NFATC3: variants seen among roughly 807,000 people sequenced by gnomAD.
NFATC3 encodes nuclear factor of activated T-cells, cytoplasmic 3.
Under a neutral mutation model 98.6 loss-of-function variants are expected in NFATC3, and 46 were observed. That is an observed-to-expected ratio of 0.47 (90% confidence interval 0.37 to 0.60). NFATC3 has a LOEUF of 0.60. Ranked by LOEUF, NFATC3 falls within the 20% of genes least tolerant of loss-of-function variation. The pLI, the probability that NFATC3 is intolerant of heterozygous loss-of-function variation, is 0.00. For synonymous variants in NFATC3, 512 were observed against 472.2 expected, an observed-to-expected ratio of 1.08 and a Z score of -1.09; for missense variants, 1,256 against 1,295.5, an observed-to-expected ratio of 0.97 and a Z score of 0.47.
intron 3 of NFATC3, among the ~76,000 whole-genome samples, chr16:68,145,217 C>T (rs1158738099): frequency 6.6e-6 from 1 of 151,388 alleles, no homozygotes; most frequent in Non-Finnish European, 1.5e-5. Context: ...GATCTCAGCT[C>T]ACTGCAACCT....
intron 3 of NFATC3, among the ~76,000 whole-genome samples, chr16:68,127,670 A>G (rs1235864138): frequency 6.6e-6 from 1 of 151,238 alleles, no homozygotes; most frequent in Non-Finnish European, 1.5e-5. Flanking sequence ...CCTGGGGAAC[A>G]GAATGAGACC....
chr16:68,132,437 C>G (rs2037162649), intron 3 of NFATC3, among the ~76,000 whole-genome samples: 1 of 152,176 alleles, frequency 6.6e-6, no homozygotes, highest in Non-Finnish European at 1.5e-5. Context: ...AGATCCTTTA[C>G]ACTGCTAGTG....
At chr16:68,140,541 A>G (rs139962281) in intron 3 of NFATC3, among the ~76,000 whole-genome samples, 86 of 152,280 alleles carry the variant, frequency 5.6e-4, no homozygotes, top group African/African-American at 1.9e-3. Flanking sequence ...TACTGACTAT[A>G]TTTTCTTTTC....
chr16:68,101,305 C>G (rs985943114), intron 1 of NFATC3, among the ~76,000 whole-genome samples: 2 of 151,820 alleles, frequency 1.3e-5, no homozygotes, highest in South Asian at 4.2e-4. Flanking sequence ...CACCATGCCC[C>G]GCCAATTTTT....
At chr16:68,139,109 A>T (rs543336710) in intron 3 of NFATC3, among the ~76,000 whole-genome samples, 53 of 152,328 alleles carry the variant, frequency 3.5e-4, no homozygotes, top group African/African-American at 1.3e-3. Context: ...CTCACTTTAT[A>T]CTGAGAGAGA....
At chr16:68,178,175 C>T (rs867401232) in intron 6 of NFATC3, among the ~76,000 whole-genome samples, 1 of 152,098 alleles carries the variant, frequency 6.6e-6, no homozygotes, top group Non-Finnish European at 1.5e-5. Flanking sequence ...TAAACTTTAA[C>T]CTGAAATTTA....
At chr16:68,194,081 C>T (rs1178796687) in intron 9 of NFATC3, among the ~76,000 whole-genome samples, 3 of 152,154 alleles carry the variant, frequency 2.0e-5, no homozygotes, top group African/African-American at 2.4e-5. Context: ...CTAATCTAAT[C>T]GTTACCATTC....
chr16:68,115,724 C>T (rs989297533), intron 1 of NFATC3, among the ~76,000 whole-genome samples: 2 of 151,700 alleles, frequency 1.3e-5, no homozygotes, highest in Admixed American at 6.6e-5. Flanking sequence ...CATACCTGGC[C>T]GATTGTTTTT....
At chr16:68,199,344 C>A (rs566551812) in intron 9 of NFATC3, among the ~76,000 whole-genome samples, 1 of 149,456 alleles carries the variant, frequency 6.7e-6, no homozygotes, top group Non-Finnish European at 1.5e-5. Flanking sequence ...CTGCCTCAGC[C>A]TCCTGAGTAG....
chr16:68,133,368 C>T (rs534501774), intron 3 of NFATC3, among the ~76,000 whole-genome samples: 5 of 152,254 alleles, frequency 3.3e-5, no homozygotes, highest in African/African-American at 4.8e-5. Flanking sequence ...GATTATTATA[C>T]ATTATATACA....
At chr16:68,192,871 A>T (rs2040504403) in intron 9 of NFATC3, among the ~76,000 whole-genome samples, 1 of 152,118 alleles carries the variant, frequency 6.6e-6, no homozygotes, top group Non-Finnish European at 1.5e-5. Context: ...TCAAATTTAA[A>T]AAAAAGATCA....
At chr16:68,121,885 C>G in intron 1 of NFATC3, 102 bp from the exon 2 acceptor site, 1 of 1,362,866 alleles carries the variant, frequency 7.3e-7, no homozygotes, top group Non-Finnish European at 9.9e-7. Context: ...TTTTTTCTCT[C>G]GAGATTGTTA....
chr16:68,123,437 G>T (rs2036654484), intron 2 of NFATC3, among the ~76,000 whole-genome samples: 1 of 149,670 alleles, frequency 6.7e-6, no homozygotes, highest in Non-Finnish European at 1.5e-5. Context: ...GAGGCAGGAG[G>T]ATTGCTTGAG....
At chr16:68,215,913 A>G (rs1043812492) in intron 9 of NFATC3, among the ~76,000 whole-genome samples, 2 of 151,794 alleles carry the variant, frequency 1.3e-5, no homozygotes, top group Non-Finnish European at 2.9e-5. Context: ...TATTTTTAGT[A>G]GAGATGGGGT....
At chr16:68,127,080 G>A (rs781497798) in intron 3 of NFATC3, among the ~76,000 whole-genome samples, 4 of 152,056 alleles carry the variant, frequency 2.6e-5, no homozygotes, top group African/African-American at 4.8e-5. Flanking sequence ...GGGCGTGGTG[G>A]CGGGCACCTG....
At chr16:68,226,327 C>T in intron 9 of NFATC3, 23 bp from the exon 10 acceptor site, 1 of 1,564,248 alleles carries the variant, frequency 6.4e-7, no homozygotes. Context: ...TCACTAATCA[C>T]TCTCCCTTTT....
intron 1 of NFATC3, among the ~76,000 whole-genome samples, chr16:68,090,371 T>C (rs2034647834): frequency 6.9e-6 from 1 of 144,136 alleles, no homozygotes; most frequent in African/African-American, 2.6e-5. Context: ...TAGTTTTTAC[T>C]TCCTTCTCTT....
chr16:68,113,636 G>A (rs1024108276), intron 1 of NFATC3, among the ~76,000 whole-genome samples: 1 of 152,168 alleles, frequency 6.6e-6, no homozygotes, highest in East Asian at 1.9e-4. Context: ...CGGCTGTGCT[G>A]GGGAGAATTC....
At chr16:68,146,385 C>T (rs2038041374) in intron 3 of NFATC3, among the ~76,000 whole-genome samples, 1 of 148,532 alleles carries the variant, frequency 6.7e-6, no homozygotes, top group Non-Finnish European at 1.5e-5. Context: ...GCCTGGGCAA[C>T]ATAGCAAGAC....
Sources: allele counts gnomAD v4.1 joint callset (sites outside exome capture counted in the v4.1 genomes callset), GRCh38; gene constraint gnomAD v4.1.1; transcripts MANE v1.5; gene names NCBI Gene and HGNC (gene_info 2026-07-23, HGNC 2026-07-21).